The following GRM7 variants were observed in gnomAD, a reference collection of about 807,000 sequenced individuals.
The protein encoded by GRM7 is metabotropic glutamate receptor 7.
Under a neutral mutation model 84.5 loss-of-function variants are expected in GRM7, and 35 were observed. The ratio of observed to expected loss-of-function variants is 0.41; its 90% CI spans 0.32 to 0.55. The LOEUF (loss-of-function observed/expected upper bound fraction) is 0.55. Among genes scored for constraint, GRM7 ranks in the 20% least tolerant of loss-of-function variants. The pLI, the probability that GRM7 is intolerant of heterozygous loss-of-function variation, is 0.19. For missense variants in GRM7, 1,003 were observed against 1,194.6 expected (o/e 0.84, Z 2.36); for synonymous variants, 487 against 455.1 (o/e 1.07, Z -0.89).
At chr3:7,096,123 T>TC (rs1404460869) in intron 1 of GRM7, among the ~76,000 whole-genome samples, 2 of 152,072 alleles carry the variant, frequency 1.3e-5, no homozygotes, top group Non-Finnish European at 2.9e-5. Context: ...AATATTCTGC[T>TC]CTCCCCTATC....
intron 9 of GRM7, among the ~76,000 whole-genome samples, chr3:7,733,622 A>C (rs1428976909): frequency 6.6e-6 from 1 of 152,226 alleles, no homozygotes; most frequent in Non-Finnish European, 1.5e-5. Context: ...AATGCAGCTC[A>C]GAAGGTCTCA....
At chr3:7,647,459 GTA>G (rs1002762971) in intron 8 of GRM7, among the ~76,000 whole-genome samples, 7 of 152,182 alleles carry the variant, frequency 4.6e-5, no homozygotes, top group Non-Finnish European at 1.0e-4. Context: ...GACAGAGCAG[GTA>G]CAAGGGCACC....
intron 9 of GRM7, among the ~76,000 whole-genome samples, chr3:7,709,013 T>C (rs969769602): frequency 6.6e-6 from 1 of 152,032 alleles, no homozygotes; most frequent in African/African-American, 2.4e-5. Context: ...TTTTACCCGA[T>C]ACATTGTTTA....
chr3:7,021,831 C>G (rs770532004), intron 1 of GRM7, among the ~76,000 whole-genome samples: 1 of 152,178 alleles, frequency 6.6e-6, no homozygotes, highest in South Asian at 2.1e-4. Context: ...TGCTTAGGTA[C>G]TGAGCAATTC....
At chr3:7,024,317 G>T (rs1695893244) in intron 1 of GRM7, among the ~76,000 whole-genome samples, 1 of 152,180 alleles carries the variant, frequency 6.6e-6, no homozygotes, top group African/African-American at 2.4e-5. Flanking sequence ...ATCCTGCTAT[G>T]CAATGAAGGA....
At chr3:7,435,679 G>GT (rs71066011) in intron 5 of GRM7, among the ~76,000 whole-genome samples, 8,966 of 88,284 alleles carry the variant, frequency 0.1, 1,516 homozygotes, top group Non-Finnish European at 0.13. Context: ...CATCCGGCTA[G>GT]TTTTTTTTTT....
At chr3:7,402,348 A>G (rs1166923449) in intron 4 of GRM7, among the ~76,000 whole-genome samples, 1 of 152,208 alleles carries the variant, frequency 6.6e-6, no homozygotes, top group Non-Finnish European at 1.5e-5. Context: ...AAAGTGTAAG[A>G]GGTCAGAGGT....
At chr3:7,178,377 T>G (rs572028444) in intron 2 of GRM7, among the ~76,000 whole-genome samples, 5 of 149,626 alleles carry the variant, frequency 3.3e-5, no homozygotes, top group Admixed American at 1.3e-4. Flanking sequence ...CAGATTTTGG[T>G]TTTTTTTTTC....
intron 1 of GRM7, among the ~76,000 whole-genome samples, chr3:7,024,758 A>G (rs1008350710): frequency 1.3e-5 from 2 of 152,228 alleles, no homozygotes; most frequent in African/African-American, 4.8e-5. Flanking sequence ...GGGCTTACTG[A>G]AAATCTTCTC....
At chr3:7,169,417 T>G (rs1420107257) in intron 2 of GRM7, among the ~76,000 whole-genome samples, 1 of 152,186 alleles carries the variant, frequency 6.6e-6, no homozygotes, top group Non-Finnish European at 1.5e-5. Flanking sequence ...GACACTCTAA[T>G]CTTCAATTCA....
intron 2 of GRM7, among the ~76,000 whole-genome samples, chr3:7,186,653 A>C (rs929346098): frequency 2.0e-5 from 3 of 152,150 alleles, no homozygotes; most frequent in Admixed American, 2.0e-4. Flanking sequence ...TCTATCTTGC[A>C]TGATTTTGTG....
chr3:7,503,002 T>C (rs1699929403), intron 7 of GRM7, among the ~76,000 whole-genome samples: 1 of 152,116 alleles, frequency 6.6e-6, no homozygotes, highest in Admixed American at 6.5e-5. Flanking sequence ...GCGTATACAA[T>C]AGACTTAGTA....
At chr3:6,952,859 C>G (rs1340302774) in intron 1 of GRM7, among the ~76,000 whole-genome samples, 2 of 152,158 alleles carry the variant, frequency 1.3e-5, no homozygotes, top group African/African-American at 4.8e-5. Context: ...TAGTTTGTTA[C>G]CAACATCCTC....
At chr3:7,185,277 T>C (rs930583626) in intron 2 of GRM7, among the ~76,000 whole-genome samples, 2 of 152,188 alleles carry the variant, frequency 1.3e-5, no homozygotes, top group Non-Finnish European at 2.9e-5. Flanking sequence ...GAAGACCTGG[T>C]TGTGTGCTCC....
intron 1 of GRM7, among the ~76,000 whole-genome samples, chr3:7,049,861 T>C (rs896751473): frequency 6.6e-6 from 1 of 151,840 alleles, no homozygotes; most frequent in Admixed American, 6.6e-5. Context: ...GATCCTGTCA[T>C]GGAGGAGTGG....
intron 8 of GRM7, among the ~76,000 whole-genome samples, chr3:7,660,457 T>C (rs1699390852): frequency 6.6e-6 from 1 of 152,294 alleles, no homozygotes; most frequent in Admixed American, 6.5e-5. Context: ...ATATTATAGA[T>C]GTATACATAT....
chr3:7,694,067 A>C (rs913715180), intron 9 of GRM7, among the ~76,000 whole-genome samples: 2 of 152,130 alleles, frequency 1.3e-5, no homozygotes, highest in African/African-American at 4.8e-5. Flanking sequence ...AGTAGCATTC[A>C]TGGGGGGTTC....
chr3:6,881,182 T>C (rs1695494179), intron 1 of GRM7, among the ~76,000 whole-genome samples: 1 of 152,166 alleles, frequency 6.6e-6, no homozygotes, highest in Non-Finnish European at 1.5e-5. Context: ...GATGTGCAGG[T>C]TTGTTACATG....
chr3:7,052,720 G>GTTTTTTTTTTTTTTTTTTTTTT (rs372132445), intron 1 of GRM7, among the ~76,000 whole-genome samples: 1 of 101,564 alleles, frequency 9.8e-6, no homozygotes, highest in Non-Finnish European at 1.9e-5. Flanking sequence ...AGTATCGGTA[G>GTTTTTTTTTTTTTTTTTTTTTT]TTTTTTTTTT....
Sources: gnomAD v4.1 joint callset for allele counts (sites outside exome capture counted in the v4.1 genomes callset) on GRCh38, gnomAD v4.1.1 for gene constraint, MANE v1.5 for transcripts, NCBI Gene and HGNC (gene_info 2026-07-23, HGNC 2026-07-21) for gene names.